Variants in BTRC observed in about 807,000 individuals in gnomAD.
The protein encoded by BTRC is F-box/WD repeat-containing protein 1A.
Under a neutral mutation model 85.5 loss-of-function variants are expected in BTRC, and 42 were observed. The ratio of observed to expected loss-of-function variants is 0.49; its 90% CI spans 0.38 to 0.64. The LOEUF is 0.64. Ranked by LOEUF, BTRC falls within the 30% of genes least tolerant of loss-of-function variation. The probability of loss-of-function intolerance (pLI) is 0.00; values close to 1 mark genes in which losing one functional copy is unlikely to be tolerated. For missense variants in BTRC, 594 were observed against 743.5 expected (o/e 0.80, Z 2.34); for synonymous variants, 255 against 263.3 (o/e 0.97, Z 0.30).
Position 101,555,796 on chromosome 10 carries a change from C to T in BTRC, c.*2673C>T, listed in dbSNP as rs1390154022. The T allele has an allele frequency of 3.3e-5, 5 of 152,418 alleles. No homozygotes were observed. Among genetic ancestry groups the T allele is most frequent in the Admixed American group, 3.3e-4 (5 of 15,296 alleles). 9.4% of individuals were successfully genotyped at this position (152,418 alleles called of 1,614,324 possible). A position where few individuals can be genotyped will look rare whatever the true frequency, so the allele number is the denominator to read the frequency against. On this transcript the variant is annotated 3_prime_UTR_variant, in exon 15 of 15. Coordinates refer to ENST00000370187, the MANE Select transcript of BTRC (RefSeq NM_033637.4). ...AGGTGTCCCCATTGTAGATTAGTCT[C>T]TTCTCACTAAAATTTACTTTCCAAC...
intron 4 of BTRC, among the ~76,000 whole-genome samples, chr10:101,518,575 T>C (rs1386230877): frequency 6.6e-6 from 1 of 152,086 alleles, no homozygotes; most frequent in East Asian, 1.9e-4. Flanking sequence ...AGGGCTGGAG[T>C]TGCTGGGGCC....
intron 4 of BTRC, among the ~76,000 whole-genome samples, chr10:101,517,802 TC>T (rs2134353581): frequency 6.6e-6 from 1 of 152,310 alleles, no homozygotes; most frequent in African/African-American, 2.4e-5. Flanking sequence ...TTCAGTAGGA[TC>T]TGTCTTCAGA....
chr10:101,497,425 G>A (rs1046949986), intron 4 of BTRC, among the ~76,000 whole-genome samples: 14 of 152,148 alleles, frequency 9.2e-5, no homozygotes, highest in African/African-American at 3.1e-4. Context: ...TTAAAGCTGG[G>A]CATGGTAGTT....
chr10:101,469,996 C>T (rs1945478220), intron 3 of BTRC, among the ~76,000 whole-genome samples: 1 of 152,092 alleles, frequency 6.6e-6, no homozygotes. Context: ...GATATCTGAG[C>T]CATTTCCATC....
chr10:101,401,076 C>A (rs567566397), intron 1 of BTRC, among the ~76,000 whole-genome samples: 38 of 152,120 alleles, frequency 2.5e-4, no homozygotes, highest in Non-Finnish European at 2.9e-4. Flanking sequence ...ACAATAAATT[C>A]TATGGCAATA....
At chr10:101,408,546 A>G (rs1362583563) in intron 1 of BTRC, among the ~76,000 whole-genome samples, 3 of 152,114 alleles carry the variant, frequency 2.0e-5, no homozygotes, top group African/African-American at 7.2e-5. Flanking sequence ...GACGCAAGCG[A>G]TCTGCCACCT....
chr10:101,494,180 C>A (rs1946204384), intron 4 of BTRC, among the ~76,000 whole-genome samples: 1 of 152,200 alleles, frequency 6.6e-6, no homozygotes, highest in African/African-American at 2.4e-5. Flanking sequence ...GTTAATGTGA[C>A]CAGCAGACAT....
chr10:101,470,695 T>C (rs767113139), intron 3 of BTRC, among the ~76,000 whole-genome samples: 2 of 152,216 alleles, frequency 1.3e-5, no homozygotes, highest in Non-Finnish European at 2.9e-5. Context: ...TACCCCATGA[T>C]TGTGAAGATA....
chr10:101,362,748 T>G (rs1437227487), intron 1 of BTRC, among the ~76,000 whole-genome samples: 2 of 152,338 alleles, frequency 1.3e-5, no homozygotes, highest in East Asian at 3.9e-4. Flanking sequence ...AGCTAACAGC[T>G]AACAGCTGGT....
intron 1 of BTRC, among the ~76,000 whole-genome samples, chr10:101,372,192 C>G (rs574172772): frequency 5.4e-4 from 82 of 151,856 alleles, no homozygotes; most frequent in African/African-American, 2.0e-3. Context: ...GTATATGCCC[C>G]TCAGCTTCCC....
At chr10:101,491,569 C>T (rs955730590) in intron 4 of BTRC, among the ~76,000 whole-genome samples, 2 of 151,926 alleles carry the variant, frequency 1.3e-5, no homozygotes, top group East Asian at 3.9e-4. Flanking sequence ...TGGTGGCAGG[C>T]GCCTATAAGC....
At chr10:101,406,891 T>G (rs987385798) in intron 1 of BTRC, among the ~76,000 whole-genome samples, 1 of 152,200 alleles carries the variant, frequency 6.6e-6, no homozygotes, top group African/African-American at 2.4e-5. Flanking sequence ...TACTTTTAAT[T>G]TATTGGTATA....
intron 1 of BTRC, chr10:101,354,547 G>A (rs1941975877): frequency 2.5e-6 from 1 of 395,648 alleles, no homozygotes; most frequent in Non-Finnish European, 4.5e-6. Flanking sequence ...GAAAAGCGGA[G>A]GAAGCTCTCT....
intron 4 of BTRC, among the ~76,000 whole-genome samples, chr10:101,518,133 C>T (rs1330517132): frequency 6.6e-6 from 1 of 151,852 alleles, no homozygotes; most frequent in Non-Finnish European, 1.5e-5. Flanking sequence ...GGGATGGTCT[C>T]GATCTCCTGA....
At chr10:101,499,922 C>G (rs111571439) in intron 4 of BTRC, among the ~76,000 whole-genome samples, 1 of 151,634 alleles carries the variant, frequency 6.6e-6, no homozygotes, top group South Asian at 2.1e-4. Flanking sequence ...GATGGACTTT[C>G]GAATCTGAAA....
intron 2 of BTRC, among the ~76,000 whole-genome samples, chr10:101,447,108 G>T (rs1441590690): frequency 6.6e-6 from 1 of 152,062 alleles, no homozygotes; most frequent in Non-Finnish European, 1.5e-5. Flanking sequence ...CTTGAGGGAC[G>T]CAAGTAATAG....
intron 1 of BTRC, among the ~76,000 whole-genome samples, chr10:101,396,264 C>T (rs1231390112): frequency 6.6e-6 from 1 of 150,678 alleles, no homozygotes; most frequent in Non-Finnish European, 1.5e-5. Context: ...TTTATACTGC[C>T]AATTAGAATA....
chr10:101,455,767 G>A (rs1418825575), intron 2 of BTRC, among the ~76,000 whole-genome samples: 5 of 152,080 alleles, frequency 3.3e-5, no homozygotes, highest in African/African-American at 1.2e-4. Flanking sequence ...TATGGATGCT[G>A]TACTAAGAAG....
At chr10:101,384,421 A>G (rs1943016022) in intron 1 of BTRC, among the ~76,000 whole-genome samples, 1 of 152,212 alleles carries the variant, frequency 6.6e-6, no homozygotes, top group South Asian at 2.1e-4. Flanking sequence ...GTAGATACTT[A>G]TGTTATGTAG....
Sources: allele counts gnomAD v4.1 joint callset (sites outside exome capture counted in the v4.1 genomes callset), GRCh38; gene constraint gnomAD v4.1.1; transcripts MANE v1.5; gene names NCBI Gene and HGNC (gene_info 2026-07-23, HGNC 2026-07-21).